The following FBXO31 variants were observed in gnomAD, a reference collection of about 807,000 sequenced individuals.
The protein encoded by FBXO31 is F-box only protein 31.
Under a neutral mutation model 54.4 loss-of-function variants are expected in FBXO31, and 24 were observed. The ratio of observed to expected loss-of-function variants is 0.44; its 90% CI spans 0.32 to 0.62. The LOEUF is 0.62. Among genes scored for constraint, FBXO31 ranks in the 20% least tolerant of loss-of-function variants. FBXO31 has a pLI of 0.05. For synonymous variants in FBXO31, 388 were observed against 335.6 expected, an observed-to-expected ratio of 1.16 and a Z score of -1.71; for missense variants, 665 against 787.1, an observed-to-expected ratio of 0.84 and a Z score of 1.86.
intron 5 of FBXO31, 28 bp downstream of exon 5, chr16:87,342,849 T>C (rs1331250912): frequency 1.9e-6 from 3 of 1,579,448 alleles, no homozygotes; most frequent in Non-Finnish European, 2.6e-6. Flanking sequence ...CCGCACCATA[T>C]GAACACAGGG....
chr16:87,375,016 C>G (rs896740802), intron 1 of FBXO31, among the ~76,000 whole-genome samples: 1 of 152,054 alleles, frequency 6.6e-6, no homozygotes, highest in African/African-American at 2.4e-5. Flanking sequence ...AACCCTGGCT[C>G]TACAAAAAAT....
chr16:87,375,602 G>A (rs959890517), intron 1 of FBXO31, among the ~76,000 whole-genome samples: 2 of 152,156 alleles, frequency 1.3e-5, no homozygotes, highest in African/African-American at 4.8e-5. Context: ...GCAGGGCCAC[G>A]GCAAGAGAGG....
chr16:87,361,498 A>G (rs114100541), intron 1 of FBXO31, among the ~76,000 whole-genome samples: 24 of 152,280 alleles, frequency 1.6e-4, no homozygotes, highest in African/African-American at 5.5e-4. Context: ...GTGACCTTGA[A>G]GGTCAGGACC....
intron 1 of FBXO31, among the ~76,000 whole-genome samples, chr16:87,377,094 T>C (rs1227486686): frequency 6.6e-6 from 1 of 152,208 alleles, no homozygotes; most frequent in African/African-American, 2.4e-5. Context: ...TTCGTAACTT[T>C]GGGGTGTAAA....
chr16:87,331,220 C>T lies in FBXO31; in HGVS notation c.*68G>A, dbSNP rs1904843085. 3.3e-6 allele frequency: 5 copies of T among 1,506,706 alleles called. No individual in the cohort carries two copies. In the Admixed American group the frequency reaches 6.9e-5, roughly 21 times the overall value. 93.3% of individuals were successfully genotyped at this position (1,506,706 alleles called of 1,614,324 possible). ...GGCCGGATTTCCAAAGTGCATGCTG[C>T]TTCTATTCACAGGTCAGAGTTCAGA... is the stretch of plus-strand genomic sequence containing the variant. On this transcript the variant is annotated 3_prime_UTR_variant, in exon 9 of 9. Transcript: ENST00000311635.
intron 1 of FBXO31, among the ~76,000 whole-genome samples, chr16:87,375,734 C>G (rs1906794458): frequency 6.6e-6 from 1 of 152,164 alleles, no homozygotes; most frequent in Non-Finnish European, 1.5e-5. Context: ...CTGCCAGGCC[C>G]TGCAGGCTGG....
Position 87,335,209 on chromosome 16 carries a change from G to C in FBXO31, c.996+95C>G. On this transcript the variant is annotated intron_variant, in intron 7 of 8. Coordinates refer to ENST00000311635, the MANE Select transcript of FBXO31 (RefSeq NM_024735.5). This position sits in a 1 kb window ranked among gnomAD's most constrained non-coding sequence, Gnocchi z 5.7. ...CAAGCCCACTCTGAGGAGCAAGGGT[G>C]CCGGGGATCAGTGTCTGCCCAAGTT... 6.4e-7 allele frequency: 1 copy of C among 1,553,890 alleles called. No homozygotes were observed. The highest frequency in any genetic ancestry group is 8.8e-7 in the Non-Finnish European group (1 of 1,140,540).
At chr16:87,370,327 G>A (rs1906544775) in intron 1 of FBXO31, among the ~76,000 whole-genome samples, 1 of 152,228 alleles carries the variant, frequency 6.6e-6, no homozygotes, top group Non-Finnish European at 1.5e-5. Context: ...TCACTATTCT[G>A]TGCACGGCAC....
At chr16:87,367,825 C>T (rs1906433612) in intron 1 of FBXO31, 1 of 152,244 alleles carries the variant, frequency 6.6e-6, no homozygotes, top group Admixed American at 6.5e-5. Flanking sequence ...CGCCTGAAGT[C>T]ATAAGCCAGT....
In FBXO31 at chr16:87,358,321, C is replaced by A. The variant is rs1029059746; in HGVS notation, c.412+1974G>T. On this transcript the variant is annotated intron_variant, in intron 2 of 8. Coordinates refer to ENST00000311635, the MANE Select transcript of FBXO31 (RefSeq NM_024735.5). This position sits in a 1 kb window ranked among gnomAD's most constrained non-coding sequence, Gnocchi z 4.0. ...AGGTCCGCTTGCTCCAGGACCAAAG[C>A]TGTCCCATGTGTGAATCAGAGGGCC... is the stretch of plus-strand genomic sequence containing the variant. The A allele has an allele frequency of 7.2e-5, 11 of 152,754 alleles. No homozygotes were observed. The highest frequency in any genetic ancestry group is 5.9e-4 in the Admixed American group (9 of 15,304). The allele number at this position is 152,754 out of a possible 1,614,324, so 9.5% of individuals were successfully genotyped here. A position where few individuals can be genotyped will look rare whatever the true frequency, so the allele number is the denominator to read the frequency against.
chr16:87,343,754 C>T lies in FBXO31; in HGVS notation c.501G>A (p.Leu167=), dbSNP rs1321901065. 2 of 1,614,194 alleles carry T rather than the reference C, an allele frequency of 1.2e-6. No homozygotes were observed. The highest frequency in any genetic ancestry group is 1.7e-6 in the Non-Finnish European group (2 of 1,180,022). ...GGLLNVVVDG[L]FIIGWMYLPP... ...GCAGGTACATCCACCCGATGATGAA[C>T]AGGCCGTCCACCTACAGGAGGAGAT... The change falls in exon 4 of 9, where the codon CTG becomes CTA. Residue 167 remains leucine, a synonymous_variant. Transcript: ENST00000311635.
rs2150664057 is a variant in FBXO31 at position 87,327,789 on chromosome 16, T to A, written c.*3499A>T. ...GAAGTACAGACAGGTTGGGCCACGT[T>A]AACACTGGACTTGATCATGATTCCA... On this transcript the variant is annotated 3_prime_UTR_variant, in exon 9 of 9. Coordinates refer to ENST00000311635, the MANE Select transcript of FBXO31 (RefSeq NM_024735.5). The A allele has an allele frequency of 6.6e-6, 1 of 152,368 alleles. No homozygotes were observed. The highest frequency in any genetic ancestry group is 6.5e-5 in the Admixed American group (1 of 15,294). The allele number at this position is 152,368 out of a possible 1,614,324, so 9.4% of individuals were successfully genotyped here. A position where few individuals can be genotyped will look rare whatever the true frequency, so the allele number is the denominator to read the frequency against.
chr16:87,339,361 G>A (rs919791307), intron 5 of FBXO31, among the ~76,000 whole-genome samples: 5 of 152,170 alleles, frequency 3.3e-5, no homozygotes, highest in African/African-American at 1.2e-4. Context: ...GCTGATGCAT[G>A]AATCCACAGA....
intron 1 of FBXO31, among the ~76,000 whole-genome samples, chr16:87,379,759 T>A (rs1297776799): frequency 1.3e-5 from 2 of 151,904 alleles, no homozygotes; most frequent in Non-Finnish European, 2.9e-5. Flanking sequence ...AGCTAATTTT[T>A]GAATTTTTAG....
Position 87,334,145 on chromosome 16 carries a change from C to G in FBXO31, c.1138G>C (p.Glu380Gln), listed in dbSNP as rs748338613. Residue 380 changes from glutamate (E) to glutamine (Q), a missense_variant, in exon 8 of 9, where the codon GAG becomes CAG. Glu to Gln is a conservative substitution (Grantham distance 29, BLOSUM62 2). This residue lies in a region of FBXO31 where 165 missense variants were observed against 159.7 expected (regional missense o/e 1.03). Coordinates refer to ENST00000311635, the MANE Select transcript of FBXO31 (RefSeq NM_024735.5). ...GCCTCGTGCCCGCCTTCCTGCTGCT[C>G]CTGGCGCACCCTCTCGCGCACCTCC... ...VLEVRERVRQEQQEGGHEAGE... is the reference protein window; with the variant it reads ...VLEVRERVRQQQQEGGHEAGE... 6.2e-7 allele frequency: 1 copy of G among 1,612,262 alleles called. No individual in the cohort carries two copies. The highest frequency in any genetic ancestry group is 8.5e-7 in the Non-Finnish European group (1 of 1,179,408).
chr16:87,366,125 G>A (rs1281668347), intron 1 of FBXO31, among the ~76,000 whole-genome samples: 1 of 152,200 alleles, frequency 6.6e-6, no homozygotes, highest in African/African-American at 2.4e-5. Flanking sequence ...CACGAGGACT[G>A]AATGCCACGG....
At chr16:87,354,939 C>G (rs141420602) in intron 2 of FBXO31, among the ~76,000 whole-genome samples, 3 of 152,306 alleles carry the variant, frequency 2.0e-5, no homozygotes, top group African/African-American at 7.2e-5. Flanking sequence ...TGCACTCCAG[C>G]CTGGGTGACA....
chr16:87,382,347 C>G (rs1907114457), intron 1 of FBXO31, among the ~76,000 whole-genome samples: 1 of 152,182 alleles, frequency 6.6e-6, no homozygotes, highest in Non-Finnish European at 1.5e-5. Flanking sequence ...CTGCTGGGGT[C>G]TCTGATGGTA....
At chr16:87,347,775 TG>T (rs1184540926) in intron 2 of FBXO31, among the ~76,000 whole-genome samples, 1 of 149,504 alleles carries the variant, frequency 6.7e-6, no homozygotes, top group Non-Finnish European at 1.5e-5. Context: ...CTCCCATCAA[TG>T]GGGGGAAATC....
Sources: gnomAD v4.1 joint callset for allele counts (sites outside exome capture counted in the v4.1 genomes callset) on GRCh38, gnomAD v4.1.1 for gene constraint, gnomAD v4.1.1 regional missense constraint, Gnocchi (gnomAD v3.1) non-coding constraint, MANE v1.5 for transcripts, NCBI Gene and HGNC (gene_info 2026-07-23, HGNC 2026-07-21) for gene names.